Variants in CDC25A observed in about 807,000 individuals in gnomAD.
The protein encoded by CDC25A is M-phase inducer phosphatase 1.
In CDC25A, 17 loss-of-function variants were observed where a neutral mutation model predicts 64.6. That is an observed-to-expected ratio of 0.26 (90% confidence interval 0.18 to 0.39). The LOEUF is 0.39. Among genes scored for constraint, CDC25A ranks in the 10% least tolerant of loss-of-function variants. CDC25A has a pLI of 1.00. For synonymous variants in CDC25A, 229 were observed against 238.6 expected, an observed-to-expected ratio of 0.96 and a Z score of 0.37; for missense variants, 473 against 654.8, an observed-to-expected ratio of 0.72 and a Z score of 3.03.
intron 13 of CDC25A, among the ~76,000 whole-genome samples, chr3:48,160,940 T>C (rs1267319643): frequency 6.6e-6 from 1 of 150,736 alleles, no homozygotes; most frequent in East Asian, 2.0e-4. Context: ...GATCACGAGG[T>C]CAGGAGTTCG....
intron 9 of CDC25A, among the ~76,000 whole-genome samples, chr3:48,171,090 G>C (rs895513756): frequency 1.3e-5 from 2 of 151,970 alleles, no homozygotes; most frequent in African/African-American, 4.8e-5. Context: ...TGAATATTCT[G>C]GCCGGGCACA....
chr3:48,169,394 G>A (rs2032180947), intron 9 of CDC25A, among the ~76,000 whole-genome samples: 1 of 152,192 alleles, frequency 6.6e-6, no homozygotes, highest in African/African-American at 2.4e-5. Flanking sequence ...TGATATTCTT[G>A]CCAAACAAAT....
At chr3:48,162,522 GC>G (rs2031817575) in intron 13 of CDC25A, among the ~76,000 whole-genome samples, 1 of 151,614 alleles carries the variant, frequency 6.6e-6, no homozygotes, top group African/African-American at 2.4e-5. Flanking sequence ...GTGCCACTGT[GC>G]CCAGCCATAA....
intron 2 of CDC25A, 81 bp downstream of exon 2, chr3:48,186,622 T>C: frequency 3.7e-6 from 3 of 807,750 alleles, no homozygotes; most frequent in Non-Finnish European, 6.2e-6. Flanking sequence ...CCTCAAGTTC[T>C]CACCAAAACT....
At chr3:48,184,770 C>T in intron 2 of CDC25A, 75 bp from the exon 3 acceptor site, 1 of 1,050,870 alleles carries the variant, frequency 9.5e-7, no homozygotes, top group Non-Finnish European at 1.4e-6. Flanking sequence ...AAACACTAAA[C>T]AAAGTACCTG....
In CDC25A at chr3:48,186,711, G is replaced by C; in HGVS notation, c.239C>G (p.Thr80Arg). ...NLQRMGSSES[T>R]DSGFCLDSPG... ...ACAGCAGACTTAAATACCTGAATCT[G>C]TTGACTCGGAGGAGCCCATTCTCTG... The change falls in exon 2 of 15, where the codon ACA (threonine) becomes AGA (arginine). Residue 80 changes from threonine (T) to arginine (R), a missense_variant. Physicochemically the swap from Thr to Arg is moderately conservative, Grantham distance 71. This residue lies in a region of CDC25A where 376 missense variants were observed against 431.9 expected (regional missense o/e 0.87). Coordinates refer to ENST00000302506, the MANE Select transcript of CDC25A (RefSeq NM_001789.3). The C allele has an allele frequency of 6.3e-7, 1 of 1,593,650 alleles. No individual in the cohort carries two copies. The highest frequency in any genetic ancestry group is 8.6e-7 in the Non-Finnish European group (1 of 1,165,052).
In CDC25A at chr3:48,187,784, A is replaced by G; in HGVS notation, c.164T>C (p.Leu55Pro). The G allele has an allele frequency of 6.5e-7, 1 of 1,545,464 alleles. No individual in the cohort carries two copies. The highest frequency in any genetic ancestry group is 1.2e-5 in the South Asian group (1 of 83,908). Residue 55 changes from leucine to proline, a missense_variant, in exon 1 of 15, where the codon CTG becomes CCG. Around this residue, in one of 2 missense-constraint regions of CDC25A, gnomAD observed 376 missense variants for 431.9 expected, o/e 0.87. Transcript: ENST00000302506. ...LTVTMDQLQG[L>P]GSDYEQPLEV... ...CCCGCCGGTCTCTCCTTACCTGCCCAGACCCTGCAGCTGGTCCATAGTGAC... is the reference window on the plus strand; with the variant it reads ...CCCGCCGGTCTCTCCTTACCTGCCCGGACCCTGCAGCTGGTCCATAGTGAC...
In CDC25A at chr3:48,158,735, G is replaced by T; in HGVS notation, c.*210C>A. The T allele has an allele frequency of 1.7e-6, 1 of 578,528 alleles. No individual in the cohort carries two copies. The highest frequency in any genetic ancestry group is 3.1e-6 in the Non-Finnish European group (1 of 325,250). The allele number at this position is 578,528 out of a possible 1,614,324, so 35.8% of individuals were successfully genotyped here. ...GTGGCACAGTTCTGATATGGACGGA[G>T]GACGTCTAACAGGGACAGAAGAGGC... is the stretch of plus-strand genomic sequence containing the variant. On this transcript the variant is annotated 3_prime_UTR_variant, in exon 15 of 15. Transcript: ENST00000302506.
chr3:48,181,324 G>A (rs1012468273), intron 5 of CDC25A, among the ~76,000 whole-genome samples: 4 of 150,612 alleles, frequency 2.7e-5, no homozygotes, highest in African/African-American at 7.3e-5. Flanking sequence ...CAACGTGGAC[G>A]ATTCTTACAA....
In CDC25A at chr3:48,177,407, G is replaced by C. The variant is rs2032503788; in HGVS notation, c.720C>G (p.Leu240=). Residue 240 remains leucine, a synonymous_variant, in exon 8 of 15, where the codon CTC becomes CTG. Transcript: ENST00000302506. ...EEETPSCMAS[L]WTAPLVMRTT... is the part of the protein sequence containing the mutation. ...TTCTCATGACGAGAGGAGCTGTCCA[G>C]AGGCTTGCCATGCACGAGGGGGTCT... The C allele has an allele frequency of 6.2e-7, 1 of 1,614,014 alleles. No individual in the cohort carries two copies. The highest frequency in any genetic ancestry group is 1.7e-5 in the Admixed American group (1 of 59,998).
At chr3:48,178,042 C>T in intron 6 of CDC25A, 54 bp from the exon 7 acceptor site, 5 of 1,524,892 alleles carry the variant, frequency 3.3e-6, no homozygotes, top group Non-Finnish European at 4.4e-6. Context: ...ACTTTCATTT[C>T]CTTGAATGGG....
In CDC25A at chr3:48,158,330, CTT is replaced by C. The variant is rs2031608906; in HGVS notation, c.*613_*614del. On this transcript the variant is annotated 3_prime_UTR_variant, in exon 15 of 15. Coordinates refer to ENST00000302506, the MANE Select transcript of CDC25A (RefSeq NM_001789.3). ...GAGCACCTAGCTTTCTGTCCGATAA[CTT>C]ATAACAGGTTTGCATTTTCTTACCC... 6.6e-6 allele frequency: 1 copy of C among 152,384 alleles called. No homozygotes were observed. The highest frequency in any genetic ancestry group is 6.6e-5 in the Admixed American group (1 of 15,246). 9.4% of individuals were successfully genotyped at this position (152,384 alleles called of 1,614,324 possible). A position where few individuals can be genotyped will look rare whatever the true frequency, so the allele number is the denominator to read the frequency against.
In CDC25A at chr3:48,184,502, A is replaced by G. The variant is rs903693775; in HGVS notation, c.290+151T>C. 14 of 645,484 alleles carry G rather than the reference A, an allele frequency of 2.2e-5. No individual in the cohort carries two copies. In the African/African-American group the frequency reaches 2.7e-4, roughly 12 times the overall value. 40.0% of individuals were successfully genotyped at this position (645,484 alleles called of 1,614,324 possible). ...AAAAAGTTCTGAAAATTGCTGACAC[A>G]AACTATTCATTCTTGAGATTCCAGA... On this transcript the variant is annotated intron_variant, in intron 3 of 14. Transcript: ENST00000302506.
chr3:48,176,513 GTGTA>G (rs2032462377), intron 8 of CDC25A, among the ~76,000 whole-genome samples: 2 of 114,872 alleles, frequency 1.7e-5, no homozygotes, highest in South Asian at 6.2e-4. Flanking sequence ...AATCTATACT[GTGTA>G]TGTGTGTGTG....
chr3:48,162,079 A>AT (rs374388536), intron 13 of CDC25A, among the ~76,000 whole-genome samples: 171 of 152,262 alleles, frequency 1.1e-3, no homozygotes, highest in African/African-American at 4.0e-3. Flanking sequence ...AAACAAAAAA[A>AT]CTGCTGAGTG....
chr3:48,160,267 C>T (rs897920457), intron 13 of CDC25A, among the ~76,000 whole-genome samples: 6 of 152,074 alleles, frequency 3.9e-5, no homozygotes, highest in African/African-American at 1.4e-4. Context: ...CGCGTGCCAC[C>T]GCCCAGCTGA....
rs1279596406 is a variant in CDC25A, at chr3:48,174,341, C to T, written c.873G>A (p.Arg291=). ...TGGGGCTGGCCCCAGACATGCTCTT[C>T]CTCCTCTTTGTACTTCCAGGTGGAG... ...EESPPGSTKR[R]KSMSGASPKE... Residue 291 remains arginine (R), a synonymous_variant, in exon 9 of 15, where the codon AGG becomes AGA. Transcript: ENST00000302506. 6.2e-7 allele frequency: 1 copy of T among 1,614,230 alleles called. No homozygotes were observed.
intron 5 of CDC25A, 103 bp from the exon 6 acceptor site, chr3:48,180,943 C>T: frequency 1.8e-6 from 2 of 1,100,968 alleles, no homozygotes; most frequent in Non-Finnish European, 2.6e-6. Context: ...TTTCTGCCTC[C>T]AAATTAAAGT....
intron 9 of CDC25A, among the ~76,000 whole-genome samples, chr3:48,168,325 G>C (rs2032121276): frequency 1.4e-5 from 2 of 146,850 alleles, no homozygotes; most frequent in South Asian, 4.3e-4. Flanking sequence ...CTTGAGCCCA[G>C]GAGTTCCAGA....
Sources: gnomAD v4.1 joint callset for allele counts (sites outside exome capture counted in the v4.1 genomes callset) on GRCh38, gnomAD v4.1.1 for gene constraint, gnomAD v4.1.1 regional missense constraint, MANE v1.5 for transcripts, NCBI Gene and HGNC (gene_info 2026-07-23, HGNC 2026-07-21) for gene names.